Variants in PTPRT observed in about 807,000 individuals in gnomAD.
PTPRT encodes protein tyrosine phosphatase receptor type T, also known as receptor-type tyrosine-protein phosphatase T.
In PTPRT, 56 loss-of-function variants were observed where a neutral mutation model predicts 176.8. That is an observed-to-expected ratio of 0.32 (90% CI 0.26 to 0.40). PTPRT has a LOEUF of 0.40. PTPRT is among the 10% of genes least tolerant of loss of function. The pLI is 1.00. For synonymous variants in PTPRT, 783 were observed against 739.0 expected, an observed-to-expected ratio of 1.06 and a Z score of -0.96; for missense variants, 1,540 against 1,908.2, an observed-to-expected ratio of 0.81 and a Z score of 3.60.
At chr20:42,541,247 A>C (rs1353924031) in intron 7 of PTPRT, among the ~76,000 whole-genome samples, 4 of 152,210 alleles carry the variant, frequency 2.6e-5, no homozygotes, top group African/African-American at 9.6e-5. Context: ...AAAAATGAAC[A>C]ACCAACAATA....
intron 14 of PTPRT, among the ~76,000 whole-genome samples, chr20:42,244,563 C>G (rs890202618): frequency 2.0e-5 from 3 of 152,134 alleles, no homozygotes; most frequent in Non-Finnish European, 1.5e-5. Context: ...AGGATCCAGG[C>G]AAGTCCAGGG....
intron 7 of PTPRT, among the ~76,000 whole-genome samples, chr20:42,538,114 G>A (rs974472214): frequency 2.0e-5 from 3 of 151,784 alleles, no homozygotes; most frequent in African/African-American, 7.3e-5. Context: ...GGAAAGGTGA[G>A]GCACAGAGAT....
chr20:42,595,206 C>A (rs1970778578), intron 7 of PTPRT, among the ~76,000 whole-genome samples: 1 of 152,080 alleles, frequency 6.6e-6, no homozygotes, highest in African/African-American at 2.4e-5. Flanking sequence ...GTGGGAGATA[C>A]TGCATGCACC....
intron 2 of PTPRT, among the ~76,000 whole-genome samples, chr20:42,861,562 T>C (rs538652520): frequency 1.3e-5 from 2 of 151,926 alleles, no homozygotes; most frequent in East Asian, 3.9e-4. Context: ...TAAAAAAAAC[T>C]AAATAAAACA....
chr20:42,328,935 A>C lies in PTPRT; in HGVS notation c.1866-12939T>G, dbSNP rs570785601. Among the ~76,000 whole-genome samples the C allele has an allele frequency of 8.5e-5, 13 of 152,326 alleles. No individual in the cohort carries two copies. The East Asian group carries it at 2.5e-3, about 29-fold the overall frequency. ...TAAAACTTAATTAAAGAAACTCACAAGAGGTTTCAGTGAATGAGATGAAGA... is the reference window on the plus strand; with the variant it reads ...TAAAACTTAATTAAAGAAACTCACACGAGGTTTCAGTGAATGAGATGAAGA... On this transcript the variant is annotated intron_variant, in intron 11 of 30. Transcript: ENST00000373187.
chr20:42,871,070 C>G (rs1280359539), intron 2 of PTPRT, among the ~76,000 whole-genome samples: 1 of 151,754 alleles, frequency 6.6e-6, no homozygotes, highest in Non-Finnish European at 1.5e-5. Flanking sequence ...CCTGCCTCAG[C>G]CTCGTGAGTA....
intron 2 of PTPRT, among the ~76,000 whole-genome samples, chr20:42,797,401 C>G (rs2077468021): frequency 6.6e-6 from 1 of 152,176 alleles, no homozygotes; most frequent in African/African-American, 2.4e-5. Context: ...GTGACATGTT[C>G]TCGACTTCCA....
intron 1 of PTPRT, among the ~76,000 whole-genome samples, chr20:43,000,097 G>GGGAA (rs1984475990): frequency 7.1e-6 from 1 of 140,384 alleles, no homozygotes; most frequent in Admixed American, 7.1e-5. Flanking sequence ...GAGGGAGGGA[G>GGGAA]GGAATAAAAA....
At chr20:42,853,580 G>A (rs1200578888) in intron 2 of PTPRT, among the ~76,000 whole-genome samples, 2 of 152,126 alleles carry the variant, frequency 1.3e-5, no homozygotes, top group African/African-American at 2.4e-5. Flanking sequence ...GAGAAAAAAT[G>A]AACTCCTCTG....
intron 4 of PTPRT, among the ~76,000 whole-genome samples, chr20:42,773,060 G>A (rs934650498): frequency 6.6e-6 from 1 of 152,174 alleles, no homozygotes; most frequent in Non-Finnish European, 1.5e-5. Context: ...TGCCTCCTGG[G>A]CACTGGGAAT....
intron 17 of PTPRT, among the ~76,000 whole-genome samples, chr20:42,145,717 C>A (rs78608350): frequency 0.022 from 3,362 of 152,248 alleles, 117 homozygotes; most frequent in African/African-American, 0.075. Context: ...CTTTCCTGGG[C>A]TTCTCAGGCT....
At chr20:42,163,378 G>T (rs574069263) in intron 16 of PTPRT, among the ~76,000 whole-genome samples, 1 of 152,198 alleles carries the variant, frequency 6.6e-6, no homozygotes, top group East Asian at 1.9e-4. Flanking sequence ...TAGGCAAGTC[G>T]TTAGCAAAAC....
chr20:43,153,969 G>A (rs896640741), intron 1 of PTPRT, among the ~76,000 whole-genome samples: 29 of 152,302 alleles, frequency 1.9e-4, no homozygotes, highest in Non-Finnish European at 3.8e-4. Context: ...CCCAAAAAAA[G>A]AACTGCTGCA....
chr20:42,751,159 G>A (rs1289388850), intron 6 of PTPRT, among the ~76,000 whole-genome samples: 1 of 152,164 alleles, frequency 6.6e-6, no homozygotes, highest in African/African-American at 2.4e-5. Context: ...ACCAGCCTGG[G>A]CCTCTGCTGT....
intron 6 of PTPRT, among the ~76,000 whole-genome samples, chr20:42,704,374 A>G (rs1397784598): frequency 4.0e-5 from 6 of 151,750 alleles, no homozygotes; most frequent in Non-Finnish European, 8.8e-5. Flanking sequence ...TCATAAACCC[A>G]ACTTGTTCAA....
chr20:42,770,341 G>C (rs1392642210), intron 5 of PTPRT, among the ~76,000 whole-genome samples: 1 of 152,196 alleles, frequency 6.6e-6, no homozygotes, highest in East Asian at 1.9e-4. Flanking sequence ...GCCACATGTA[G>C]TTAGTGGTTC....
intron 7 of PTPRT, among the ~76,000 whole-genome samples, chr20:42,547,786 A>G (rs918441150): frequency 3.3e-5 from 5 of 152,068 alleles, no homozygotes; most frequent in Admixed American, 1.3e-4. Flanking sequence ...AGGAAGACAT[A>G]TAATTGTCAT....
intron 1 of PTPRT, among the ~76,000 whole-genome samples, chr20:43,148,116 G>A (rs949089974): frequency 6.6e-6 from 1 of 152,092 alleles, no homozygotes; most frequent in Non-Finnish European, 1.5e-5. Context: ...TGGGCTGGTT[G>A]GGTGGGGGGA....
Position 43,129,025 on chromosome 20 carries a change from C to G in PTPRT, c.88+60621G>C, listed in dbSNP as rs78433608. On this transcript the variant is annotated intron_variant, in intron 1 of 30. Transcript: ENST00000373187. Reference sequence around the variant, plus strand: ...TCCATCTGGCCTACAAAGCTATAAGCTCCTTGAAGGTCCTGCATGAGGGTC... The same window carrying G: ...TCCATCTGGCCTACAAAGCTATAAGGTCCTTGAAGGTCCTGCATGAGGGTC... Among the ~76,000 whole-genome samples the G allele has an allele frequency of 8.5e-3, 1,287 of 152,304 alleles. 18 individuals carry two copies. The highest frequency in any genetic ancestry group is 0.029 in the African/African-American group (1,223 of 41,554).
Sources: gnomAD v4.1 joint callset for allele counts (sites outside exome capture counted in the v4.1 genomes callset) on GRCh38, gnomAD v4.1.1 for gene constraint, MANE v1.5 for transcripts, NCBI Gene and HGNC (gene_info 2026-07-23, HGNC 2026-07-21) for gene names.